GPHN: variants seen among roughly 807,000 people sequenced by gnomAD.
The protein encoded by GPHN is gephyrin.
GPHN carries 17 observed loss-of-function variants against 95.5 expected under a neutral mutation model. The observed-to-expected ratio is 0.18, with a 90% CI of 0.12 to 0.27. GPHN has a LOEUF of 0.27. GPHN is among the 10% of genes least tolerant of loss of function. GPHN has a pLI of 1.00. For missense variants in GPHN, 660 were observed against 978.1 expected (o/e 0.67, Z 4.34); for synonymous variants, 320 against 322.5 (o/e 0.99, Z 0.08).
the GPHN span, among the ~76,000 whole-genome samples, chr14:67,369,251 A>G: frequency 6.6e-6 from 1 of 152,244 alleles, no homozygotes; most frequent in Non-Finnish European, 1.5e-5. Context: ...AGATTTAAAG[A>G]CATAGTATTT....
chr14:67,323,175 A>G, the GPHN span, among the ~76,000 whole-genome samples: 4 of 151,644 alleles, frequency 2.6e-5, no homozygotes, highest in African/African-American at 9.7e-5. Context: ...AGCTAAAATT[A>G]TATGTATATA....
chr14:67,515,454 G>T, the GPHN span: 1 of 171,900 alleles, frequency 5.8e-6, no homozygotes, highest in Non-Finnish European at 1.2e-5. Flanking sequence ...CCCATAGTAC[G>T]GATGCGCTGC....
At chr14:67,139,824 T>C (rs2080343412) in intron 17 of GPHN, among the ~76,000 whole-genome samples, 1 of 151,868 alleles carries the variant, frequency 6.6e-6, no homozygotes, top group Non-Finnish European at 1.5e-5. Context: ...GGGGATAGAG[T>C]ATGGCAGGAC....
At chr14:67,646,596 T>C in the GPHN span, 2 of 1,453,940 alleles carry the variant, frequency 1.4e-6, no homozygotes, top group South Asian at 2.4e-5. Context: ...ATGATCTTGG[T>C]GAGAACAAGA....
At chr14:66,586,153 T>C (rs1348025335) in intron 1 of GPHN, among the ~76,000 whole-genome samples, 1 of 151,974 alleles carries the variant, frequency 6.6e-6, no homozygotes, top group Non-Finnish European at 1.5e-5. Context: ...ATGGCCTTCT[T>C]TGTCTCTTTT....
chr14:66,554,949 A>T (rs2140215094), intron 1 of GPHN, among the ~76,000 whole-genome samples: 1 of 152,320 alleles, frequency 6.6e-6, no homozygotes, highest in East Asian at 1.9e-4. Flanking sequence ...AAGCCTTCAT[A>T]TATTCTAGTA....
intron 5 of GPHN, among the ~76,000 whole-genome samples, chr14:66,909,554 G>A (rs1359623800): frequency 1.3e-5 from 2 of 151,886 alleles, no homozygotes; most frequent in African/African-American, 4.8e-5. Context: ...ACAGATTAAG[G>A]GAGAAAAGTC....
chr14:66,935,859 T>A (rs2067105986), intron 8 of GPHN, among the ~76,000 whole-genome samples: 1 of 152,116 alleles, frequency 6.6e-6, no homozygotes, highest in Non-Finnish European at 1.5e-5. Context: ...AAGCATTTTA[T>A]ATATATCAGC....
intron 4 of GPHN, among the ~76,000 whole-genome samples, chr14:66,834,305 G>C (rs1040917659): frequency 6.6e-6 from 1 of 152,168 alleles, no homozygotes; most frequent in East Asian, 1.9e-4. Flanking sequence ...CATGAAAAAA[G>C]AAAAGCTCCA....
the GPHN span, among the ~76,000 whole-genome samples, chr14:67,625,628 C>A: frequency 4.1e-4 from 57 of 140,162 alleles, no homozygotes; most frequent in African/African-American, 1.5e-3. Context: ...TGTGATGAGC[C>A]GAGATTGTGC....
chr14:67,642,157 T>G, the GPHN span: 5 of 1,608,272 alleles, frequency 3.1e-6, no homozygotes, highest in South Asian at 5.5e-5. Flanking sequence ...CACAGAAAAT[T>G]CATCTTGTCA....
At chr14:67,478,411 G>T in the GPHN span, among the ~76,000 whole-genome samples, 3 of 152,280 alleles carry the variant, frequency 2.0e-5, no homozygotes, top group Non-Finnish European at 2.9e-5. Context: ...TGCTGCCACT[G>T]CTCTGGTTCA....
chr14:67,458,726 T>TTTTGG, the GPHN span, among the ~76,000 whole-genome samples: 5 of 152,104 alleles, frequency 3.3e-5, no homozygotes, highest in African/African-American at 1.2e-4. Context: ...CTTACTTATT[T>TTTTGG]TTTGGTTTGG....
the GPHN span, among the ~76,000 whole-genome samples, chr14:67,453,684 G>A: frequency 6.6e-6 from 1 of 152,216 alleles, no homozygotes; most frequent in Non-Finnish European, 1.5e-5. Flanking sequence ...AGCAGCGGGT[G>A]GAGAGGGGGC....
At chr14:66,701,868 A>T (rs2068586079) in intron 2 of GPHN, among the ~76,000 whole-genome samples, 1 of 152,078 alleles carries the variant, frequency 6.6e-6, no homozygotes, top group Admixed American at 6.5e-5. Context: ...CAGCACTGAG[A>T]CTCACGACTG....
the GPHN span, chr14:67,454,094 G>C: frequency 6.6e-6 from 1 of 152,166 alleles, no homozygotes; most frequent in East Asian, 1.9e-4. Context: ...TGTGTCCCCT[G>C]GGGGGCAGGG....
intron 3 of GPHN, among the ~76,000 whole-genome samples, chr14:66,822,899 A>G (rs1177884496): frequency 6.6e-6 from 1 of 152,190 alleles, no homozygotes; most frequent in Admixed American, 6.5e-5. Flanking sequence ...TACTTAAAGG[A>G]ATGTTACAAA....
At chr14:67,463,549 G>T in the GPHN span, among the ~76,000 whole-genome samples, 1 of 145,816 alleles carries the variant, frequency 6.9e-6, no homozygotes, top group Non-Finnish European at 1.5e-5. Flanking sequence ...TGAGGCAGGA[G>T]AATCGCTTGA....
chr14:66,934,024 A>C (rs898872556), intron 8 of GPHN, among the ~76,000 whole-genome samples: 1 of 151,844 alleles, frequency 6.6e-6, no homozygotes, highest in Non-Finnish European at 1.5e-5. Flanking sequence ...CTGTAGTCCC[A>C]GCTACTTGGG....
Sources: allele counts gnomAD v4.1 joint callset (sites outside exome capture counted in the v4.1 genomes callset), GRCh38; gene constraint gnomAD v4.1.1; transcripts MANE v1.5; gene names NCBI Gene and HGNC (gene_info 2026-07-23, HGNC 2026-07-21).